The following TOP2B variants were observed in gnomAD, a reference collection of about 807,000 sequenced individuals.
The protein encoded by TOP2B is DNA topoisomerase 2-beta.
In TOP2B, 51 loss-of-function variants were observed where a neutral mutation model predicts 193.5. The ratio of observed to expected loss-of-function variants is 0.26; its 90% CI spans 0.21 to 0.33. The LOEUF is 0.33. TOP2B is among the 10% of genes least tolerant of loss of function. TOP2B has a pLI of 1.00. For missense variants in TOP2B, 1,378 were observed against 1,909.3 expected, an observed-to-expected ratio of 0.72 and a Z score of 5.19; for synonymous variants, 634 against 635.7, an observed-to-expected ratio of 1.00 and a Z score of 0.04.
chr3:25,664,703 C>G lies in TOP2B; in HGVS notation c.-406G>C, dbSNP rs1704038805. The G allele has an allele frequency of 8.1e-6, 8 of 985,236 alleles. No individual in the cohort carries two copies. In the South Asian group the frequency reaches 3.8e-4, roughly 46 times the overall value. The allele number at this position is 985,236 out of a possible 1,614,324, so 61.0% of individuals were successfully genotyped here. A position where few individuals can be genotyped will look rare whatever the true frequency, so the allele number is the denominator to read the frequency against. ...CGGACGTGGCGAGGACGCAGAGGTG[C>G]CTTGTCCTTCTCACACTCCGCGAAG... On this transcript the variant is annotated 5_prime_UTR_variant, in exon 1 of 36. Transcript: ENST00000264331.
intron 31 of TOP2B, 75 bp from the exon 32 acceptor site, chr3:25,606,197 A>G (rs1702233457): frequency 1.5e-6 from 1 of 675,830 alleles, no homozygotes; most frequent in African/African-American, 1.9e-5. Flanking sequence ...ATTATATATA[A>G]TATTTACTGC....
chr3:25,625,532 T>TTTTG (rs56012185), intron 18 of TOP2B, among the ~76,000 whole-genome samples: 4,375 of 151,652 alleles, frequency 0.029, 67 homozygotes, highest in Middle Eastern at 0.044. Context: ...TCATGAGGTT[T>TTTTG]TTTGTTTGTT....
At chr3:25,640,486 A>G (rs533841206) in intron 4 of TOP2B, among the ~76,000 whole-genome samples, 29 of 152,248 alleles carry the variant, frequency 1.9e-4, no homozygotes, top group African/African-American at 6.5e-4. Context: ...AGTTAAAATG[A>G]GGTGGGGGAT....
At position 25,627,195 on chromosome 3, in the gene TOP2B, T is replaced by C; in HGVS notation, c.2008A>G (p.Ile670Val). The change falls in exon 16 of 36, where the codon ATT becomes GTT. Residue 670 changes from isoleucine to valine, a missense_variant. By Grantham distance (29) the Ile-to-Val change is conservative (BLOSUM62 3). Coordinates refer to ENST00000264331, the MANE Select transcript of TOP2B (RefSeq NM_001330700.2). ...AAAATTAACTTAATTACCAAGGTAATGGCAGCATCATCTTCAGGACCAGCA... is the reference window on the plus strand; with the variant it reads ...AAAATTAACTTAATTACCAAGGTAACGGCAGCATCATCTTCAGGACCAGCA... ...RYAGPEDDAA[I>V]TLAFSKKKID... 6.3e-7 allele frequency: 1 copy of C among 1,598,654 alleles called. No individual in the cohort carries two copies.
chr3:25,644,000 T>C (rs929175134), intron 2 of TOP2B, among the ~76,000 whole-genome samples: 3 of 152,078 alleles, frequency 2.0e-5, no homozygotes, highest in Non-Finnish European at 4.4e-5. Flanking sequence ...TGTATTATTA[T>C]AAAGTCAGTT....
chr3:25,660,020 A>C (rs977626756), intron 1 of TOP2B, among the ~76,000 whole-genome samples: 1 of 152,188 alleles, frequency 6.6e-6, no homozygotes, highest in African/African-American at 2.4e-5. Flanking sequence ...AAAATTCAAG[A>C]AGTTTATTTT....
At chr3:25,609,098 G>T in intron 30 of TOP2B, 85 bp downstream of exon 30, 1 of 1,189,410 alleles carries the variant, frequency 8.4e-7, no homozygotes. Flanking sequence ...TAATGGCTTA[G>T]TACTTAAACA....
chr3:25,633,757 T>A (rs145978963), intron 8 of TOP2B, 84 bp downstream of exon 8: 1 of 1,223,914 alleles, frequency 8.2e-7, no homozygotes, highest in African/African-American at 1.6e-5. Flanking sequence ...TTTTTGGGGG[T>A]TGTGGATATT....
At chr3:25,644,545 A>T (rs1703357345) in intron 2 of TOP2B, among the ~76,000 whole-genome samples, 1 of 151,910 alleles carries the variant, frequency 6.6e-6, no homozygotes, top group South Asian at 2.1e-4. Context: ...TACTAACAAC[A>T]CAAAAATTAG....
At chr3:25,628,515 T>TG (rs1351836303) in intron 15 of TOP2B, among the ~76,000 whole-genome samples, 2 of 152,122 alleles carry the variant, frequency 1.3e-5, no homozygotes, top group Non-Finnish European at 2.9e-5. Flanking sequence ...AATGGTATTA[T>TG]GGGTTACTTA....
intron 33 of TOP2B, among the ~76,000 whole-genome samples, 198 bp downstream of exon 33, chr3:25,604,562 C>G (rs540997688): frequency 9.9e-5 from 15 of 152,208 alleles, no homozygotes; most frequent in Non-Finnish European, 2.2e-4. Context: ...ATAATTACAA[C>G]AGCTTTAAAA....
chr3:25,651,522 TA>T (rs908736761), intron 1 of TOP2B, among the ~76,000 whole-genome samples: 3 of 149,948 alleles, frequency 2.0e-5, no homozygotes, highest in Admixed American at 6.6e-5. Flanking sequence ...ATAAGACATA[TA>T]AAAAAATAAT....
intron 1 of TOP2B, among the ~76,000 whole-genome samples, chr3:25,649,440 C>T (rs1346411230): frequency 6.6e-6 from 1 of 151,908 alleles, no homozygotes; most frequent in Non-Finnish European, 1.5e-5. Context: ...CACCAAGACA[C>T]ATCATAATTA....
In TOP2B at chr3:25,624,333, T is replaced by A; in HGVS notation, c.2459A>T (p.Asp820Val). The change falls in exon 20 of 36, where the codon GAT (aspartate) becomes GTT (valine). Residue 820 changes from aspartate (D) to valine (V), a missense_variant. By Grantham distance (152) the Asp-to-Val change is radical. Around this residue, in one of 9 missense-constraint regions of TOP2B, gnomAD observed 379 missense variants for 615.1 expected, o/e 0.62. Transcript: ENST00000264331. ...QFGTRLHGGK[D>V]AASPRYIFTM... Reference sequence around the variant, plus strand: ...GAAAATATAACGAGGGCTTGCAGCATCTTTGCCACCATGAAGCCGAGTTCC... The same window carrying A: ...GAAAATATAACGAGGGCTTGCAGCAACTTTGCCACCATGAAGCCGAGTTCC... 6.2e-7 allele frequency: 1 copy of A among 1,613,970 alleles called. No homozygotes were observed. Among genetic ancestry groups the A allele is most frequent in the Non-Finnish European group, 8.5e-7 (1 of 1,179,846 alleles).
chr3:25,631,969 C>G (rs140459910), intron 10 of TOP2B, among the ~76,000 whole-genome samples: 218 of 152,078 alleles, frequency 1.4e-3, no homozygotes, highest in Non-Finnish European at 2.4e-3. Context: ...TTTATTTGTG[C>G]TCTCACCTTA....
intron 1 of TOP2B, among the ~76,000 whole-genome samples, chr3:25,661,295 G>A (rs1051329689): frequency 3.9e-5 from 6 of 152,116 alleles, no homozygotes; most frequent in Non-Finnish European, 5.9e-5. Context: ...CACCGCACCC[G>A]GCAGGTTGAT....
intron 3 of TOP2B, among the ~76,000 whole-genome samples, chr3:25,643,273 T>G (rs1395375634): frequency 6.6e-6 from 1 of 152,226 alleles, no homozygotes; most frequent in East Asian, 1.9e-4. Flanking sequence ...CAGCAATGGT[T>G]ATTACACTTG....
intron 1 of TOP2B, among the ~76,000 whole-genome samples, chr3:25,659,034 A>G (rs1264596454): frequency 6.6e-6 from 1 of 152,236 alleles, no homozygotes; most frequent in Non-Finnish European, 1.5e-5. Context: ...AAAGCTCACC[A>G]TCACCAGGCC....
chr3:25,626,648 C>G lies in TOP2B; in HGVS notation c.2136G>C (p.Lys712Asn). ...PEQFLYGTAT[K>N]HLTYNDFINK... ...TGATGAAATCATTATAAGTCAAATG[C>G]TTTGTTGCAGTACCATATAAAAATT... Residue 712 changes from lysine to asparagine, a missense_variant, in exon 18 of 36, where the codon AAG becomes AAC. Coordinates refer to ENST00000264331, the MANE Select transcript of TOP2B (RefSeq NM_001330700.2). The G allele has an allele frequency of 6.5e-7, 1 of 1,535,752 alleles. No individual in the cohort carries two copies. Among genetic ancestry groups the G allele is most frequent in the Non-Finnish European group, 8.7e-7 (1 of 1,143,320 alleles).
Sources: gnomAD v4.1 joint callset for allele counts (sites outside exome capture counted in the v4.1 genomes callset) on GRCh38, gnomAD v4.1.1 for gene constraint, gnomAD v4.1.1 regional missense constraint, MANE v1.5 for transcripts, NCBI Gene and HGNC (gene_info 2026-07-23, HGNC 2026-07-21) for gene names.